The following ADAMTS17 variants were observed in gnomAD, a reference collection of about 807,000 sequenced individuals.
ADAMTS17 encodes the protein ADAM metallopeptidase with thrombospondin type 1 motif 17.
In ADAMTS17, 113 loss-of-function variants were observed where a neutral mutation model predicts 141.5. The ratio of observed to expected loss-of-function variants is 0.80; its 90% CI spans 0.69 to 0.93. The LOEUF is 0.93. Ranked by LOEUF, ADAMTS17 falls within the 40% of genes least tolerant of loss-of-function variation. ADAMTS17 has a pLI of 0.00. For missense variants in ADAMTS17, 1,659 were observed against 1,517.9 expected (o/e 1.09, Z -1.54); for synonymous variants, 768 against 630.6 (o/e 1.22, Z -3.27).
chr15:100,121,692 T>C (rs1024682845), intron 12 of ADAMTS17, among the ~76,000 whole-genome samples: 2 of 151,970 alleles, frequency 1.3e-5, no homozygotes, highest in African/African-American at 4.8e-5. Flanking sequence ...CAATAAATGC[T>C]AAAGGGAGTC....
intron 15 of ADAMTS17, among the ~76,000 whole-genome samples, chr15:100,081,799 G>C (rs1389196025): frequency 6.6e-6 from 1 of 152,176 alleles, no homozygotes; most frequent in Non-Finnish European, 1.5e-5. Context: ...AGTTGAATTT[G>C]CATTTCCCTG....
chr15:100,261,426 G>C lies in ADAMTS17; in HGVS notation c.1031+53C>G, dbSNP rs1381216328. ...ACAACATGCCTATTTCCTCTCTGAA[G>C]GGAAACATCTTTTCCCTCTCACATG... is the stretch of plus-strand genomic sequence containing the variant. On this transcript the variant is annotated intron_variant, in intron 6 of 21. Coordinates refer to ENST00000268070, the MANE Select transcript of ADAMTS17 (RefSeq NM_139057.4). 1.9e-6 allele frequency: 3 copies of C among 1,611,158 alleles called. No individual in the cohort carries two copies. In the East Asian group the frequency reaches 6.7e-5, roughly 36 times the overall value.
At chr15:100,049,625 A>G (rs910906597) in intron 17 of ADAMTS17, among the ~76,000 whole-genome samples, 6 of 152,220 alleles carry the variant, frequency 3.9e-5, no homozygotes, top group Admixed American at 3.9e-4. Flanking sequence ...AGAGCACCCT[A>G]AACACTGCAC....
At chr15:100,185,741 G>A (rs994436101) in intron 8 of ADAMTS17, among the ~76,000 whole-genome samples, 3 of 152,234 alleles carry the variant, frequency 2.0e-5, no homozygotes, top group Admixed American at 6.5e-5. Context: ...TGCACACCTC[G>A]TCCACATAAA....
At chr15:100,008,763 C>T (rs564952866) in intron 18 of ADAMTS17, among the ~76,000 whole-genome samples, 10 of 152,316 alleles carry the variant, frequency 6.6e-5, no homozygotes, top group Non-Finnish European at 8.8e-5. Context: ...AAAAAACAGG[C>T]CCACACCTAC....
intron 5 of ADAMTS17, 30 bp downstream of exon 5, chr15:100,262,322 C>A (rs754425492): frequency 1.0e-5 from 16 of 1,603,442 alleles, no homozygotes; most frequent in African/African-American, 1.3e-5. Context: ...ACATTTTCTG[C>A]TTGCTTGAAA....
intron 6 of ADAMTS17, among the ~76,000 whole-genome samples, chr15:100,261,115 A>T (rs968085092): frequency 6.6e-6 from 1 of 152,230 alleles, no homozygotes; most frequent in Non-Finnish European, 1.5e-5. Flanking sequence ...CCTATGTGGA[A>T]AAAGGGTCAC....
At chr15:99,992,218 G>A (rs561907090) in intron 20 of ADAMTS17, among the ~76,000 whole-genome samples, 1 of 152,210 alleles carries the variant, frequency 6.6e-6, no homozygotes, top group Admixed American at 6.5e-5. Flanking sequence ...ACATGTTTAA[G>A]ATATTCTGCA....
chr15:100,276,851 G>T (rs1160312806), intron 4 of ADAMTS17, among the ~76,000 whole-genome samples: 1 of 152,184 alleles, frequency 6.6e-6, no homozygotes, highest in Non-Finnish European at 1.5e-5. Flanking sequence ...CCGCAGGCAG[G>T]AAAGAACTCT....
At chr15:100,068,977 A>C (rs4383124) in intron 15 of ADAMTS17, among the ~76,000 whole-genome samples, 81,149 of 152,070 alleles carry the variant, frequency 0.53, 24,694 homozygotes, top group Non-Finnish European at 0.69. Flanking sequence ...CCTATGGCAT[A>C]GAAGTTAAAA....
At chr15:100,226,620 C>T (rs2042321770) in intron 7 of ADAMTS17, among the ~76,000 whole-genome samples, 4 of 152,188 alleles carry the variant, frequency 2.6e-5, no homozygotes, top group Admixed American at 6.5e-5. Flanking sequence ...CAGATCTGGG[C>T]TTGATATGCC....
intron 8 of ADAMTS17, among the ~76,000 whole-genome samples, chr15:100,182,676 T>C (rs944731520): frequency 6.6e-6 from 1 of 152,192 alleles, no homozygotes; most frequent in Non-Finnish European, 1.5e-5. Context: ...GCACTTTTGG[T>C]GTAGATAGCT....
chr15:100,261,024 T>C (rs1420401363), intron 6 of ADAMTS17, among the ~76,000 whole-genome samples: 17 of 152,138 alleles, frequency 1.1e-4, no homozygotes, highest in Admixed American at 1.1e-3. Context: ...TATAGCCACA[T>C]CGACATCAAT....
intron 8 of ADAMTS17, among the ~76,000 whole-genome samples, chr15:100,174,660 A>G (rs1327225820): frequency 6.6e-6 from 1 of 152,192 alleles, no homozygotes; most frequent in Admixed American, 6.5e-5. Context: ...ACCGGCATTC[A>G]TTTCACAGGA....
At position 100,158,476 on chromosome 15, in the gene ADAMTS17, C is replaced by A. The variant is rs1445904228; in HGVS notation, c.1182-3156G>T. The stretch of plus-strand genomic sequence containing the variant: ...GTAAAAACACTTCACATGAGAGCTG[C>A]CCTCTGAAGTTTTTAAGCTTACAAT... On this transcript the variant is annotated intron_variant, in intron 8 of 21. Transcript: ENST00000268070. Among the ~76,000 whole-genome samples, 4 of 152,116 alleles carry A rather than the reference C, an allele frequency of 2.6e-5. No individual in the cohort carries two copies. The East Asian group carries it at 7.7e-4, about 29-fold the overall frequency.
chr15:99,971,506 AT>A lies in ADAMTS17; in HGVS notation c.*2895del. On this transcript the variant is annotated 3_prime_UTR_variant, in exon 22 of 22. Coordinates refer to ENST00000268070, the MANE Select transcript of ADAMTS17 (RefSeq NM_139057.4). ...ATGAAATGATTAATTTTTCTATATA[AT>A]TTTCATGTATAATGGCGTCCAATGT... is the stretch of plus-strand genomic sequence containing the variant. 6.6e-6 allele frequency: 1 copy of A among 152,306 alleles called. No homozygotes were observed. Among genetic ancestry groups the A allele is most frequent in the East Asian group, 1.9e-4 (1 of 5,186 alleles). 9.4% of individuals were successfully genotyped at this position (152,306 alleles called of 1,614,324 possible).
At chr15:100,277,789 T>C (rs1389239201) in intron 4 of ADAMTS17, among the ~76,000 whole-genome samples, 1 of 152,232 alleles carries the variant, frequency 6.6e-6, no homozygotes, top group Non-Finnish European at 1.5e-5. Flanking sequence ...TTTCCAGGTG[T>C]ATGCCCAAAA....
At chr15:100,132,686 C>T (rs1223114512) in intron 11 of ADAMTS17, among the ~76,000 whole-genome samples, 5 of 152,196 alleles carry the variant, frequency 3.3e-5, no homozygotes, top group South Asian at 4.1e-4. Flanking sequence ...TTCCCAATCA[C>T]GGCATCAGAG....
intron 7 of ADAMTS17, among the ~76,000 whole-genome samples, chr15:100,206,492 C>T (rs554553722): frequency 2.0e-5 from 3 of 152,254 alleles, no homozygotes; most frequent in South Asian, 2.1e-4. Context: ...GCGCCTATTT[C>T]GGTCAATAAT....
Sources: allele counts gnomAD v4.1 joint callset (sites outside exome capture counted in the v4.1 genomes callset), GRCh38; gene constraint gnomAD v4.1.1; transcripts MANE v1.5; gene names NCBI Gene and HGNC (gene_info 2026-07-23, HGNC 2026-07-21).